Variants in DNAI3 observed in about 807,000 individuals in gnomAD.
The protein encoded by DNAI3 is WD repeat domain 63.
DNAI3 carries 83 observed loss-of-function variants against 115.5 expected under a neutral mutation model. That is an observed-to-expected ratio of 0.72 (90% CI 0.60 to 0.86). The LOEUF (loss-of-function observed/expected upper bound fraction) is 0.86, where lower values mean the gene tolerates loss of function less well. Among genes scored for constraint, DNAI3 ranks in the 40% least tolerant of loss-of-function variants. The pLI is 0.00. For missense variants in DNAI3, 1,004 were observed against 1,075.8 expected (o/e 0.93, Z 0.93); for synonymous variants, 320 against 347.0 (o/e 0.92, Z 0.86).
In DNAI3 at chr1:85,124,240, G is replaced by A; in HGVS notation, c.2101G>A (p.Glu701Lys). The A allele has an allele frequency of 6.4e-7, 1 of 1,573,686 alleles. No individual in the cohort carries two copies. Among genetic ancestry groups the A allele is most frequent in the Non-Finnish European group, 8.6e-7 (1 of 1,162,630 alleles). ...VGGWNVAIWK[E>K]GVMTGPLLQS... ...AGGTTGGAACGTGGCCATATGGAAA[G>A]AAGGTGTTATGGTAAGTTGCCTGCA... The change falls in exon 19 of 23, where the codon GAA (glutamate) becomes AAA (lysine). Residue 701 changes from glutamate (E) to lysine (K), a missense_variant. Physicochemically the swap from Glu to Lys is moderately conservative, Grantham distance 56. This residue lies in a region of DNAI3 where 429 missense variants were observed against 454.3 expected (regional missense o/e 0.94). Coordinates refer to ENST00000294664, the MANE Select transcript of DNAI3 (RefSeq NM_145172.5).
At chr1:85,119,434 T>C (rs568392450) in intron 17 of DNAI3, among the ~76,000 whole-genome samples, 93 of 152,354 alleles carry the variant, frequency 6.1e-4, no homozygotes, top group African/African-American at 2.1e-3. Flanking sequence ...TTATACAATA[T>C]TTGTCCTTTT....
Position 85,129,994 on chromosome 1 carries a change from C to T in DNAI3, c.2414C>T (p.Ala805Val), listed in dbSNP as rs1571206176. The change falls in exon 22 of 23, where the codon GCA (alanine) becomes GTA (valine). Residue 805 changes from alanine (A) to valine (V), a missense_variant. Physicochemically the swap from Ala to Val is moderately conservative, Grantham distance 64. Around this residue, in one of 3 missense-constraint regions of DNAI3, gnomAD observed 429 missense variants for 454.3 expected, o/e 0.94. Transcript: ENST00000294664. ...TLSRPSTNEM[A>V]SVNHYFEREV... ...ATGGACTTCTGTTTCTAACAGATGG[C>T]AAGTGTCAACCACTATTTTGAAAGA... 1.2e-6 allele frequency: 2 copies of T among 1,611,396 alleles called. No individual in the cohort carries two copies. Among genetic ancestry groups the T allele is most frequent in the Non-Finnish European group, 1.7e-6 (2 of 1,179,068 alleles).
intron 1 of DNAI3, among the ~76,000 whole-genome samples, chr1:85,063,484 T>C (rs1223862231): frequency 1.3e-5 from 2 of 152,226 alleles, no homozygotes; most frequent in African/African-American, 2.4e-5. Context: ...GCCATACTTA[T>C]GTGAGTTCAG....
In DNAI3 at chr1:85,068,154, G is replaced by C. The variant is rs1571150311; in HGVS notation, c.-14-3774G>C. Among the ~76,000 whole-genome samples the C allele has an allele frequency of 2.0e-5, 3 of 150,928 alleles. No individual in the cohort carries two copies. In the South Asian group the frequency reaches 6.3e-4, roughly 32 times the overall value. ...TTTTTTTTTTTTTAGTATGTTCACT[G>C]TGCTAGTTACAGGGATTACAAAAAT... On this transcript the variant is annotated intron_variant, in intron 1 of 22. Transcript: ENST00000294664.
chr1:85,090,747 C>A (rs544666050), intron 8 of DNAI3, among the ~76,000 whole-genome samples: 1 of 152,234 alleles, frequency 6.6e-6, no homozygotes, highest in South Asian at 2.1e-4. Flanking sequence ...CTTCAAAATG[C>A]CCCCTAAGCT....
At chr1:85,065,702 A>G (rs1306363807) in intron 1 of DNAI3, among the ~76,000 whole-genome samples, 3 of 152,204 alleles carry the variant, frequency 2.0e-5, no homozygotes, top group African/African-American at 7.2e-5. Flanking sequence ...TGTTTGTCTG[A>G]GTTTTTAACA....
intron 1 of DNAI3, among the ~76,000 whole-genome samples, chr1:85,068,646 A>G (rs986541703): frequency 5.3e-5 from 8 of 152,172 alleles, no homozygotes; most frequent in Admixed American, 4.6e-4. Context: ...TCTCCACCTC[A>G]TTCAGAGTGA....
chr1:85,103,134 A>G (rs1334888885), intron 13 of DNAI3, among the ~76,000 whole-genome samples: 1 of 152,032 alleles, frequency 6.6e-6, no homozygotes, highest in Non-Finnish European at 1.5e-5. Flanking sequence ...ACCTAACTTC[A>G]TTTGCTGCTA....
intron 7 of DNAI3, among the ~76,000 whole-genome samples, chr1:85,087,054 C>T (rs1470830515): frequency 6.6e-6 from 1 of 152,070 alleles, no homozygotes; most frequent in Non-Finnish European, 1.5e-5. Flanking sequence ...GCTTACGAGT[C>T]CTTTACATAG....
intron 17 of DNAI3, among the ~76,000 whole-genome samples, chr1:85,118,684 G>C (rs1229305956): frequency 6.6e-6 from 1 of 152,100 alleles, no homozygotes; most frequent in Non-Finnish European, 1.5e-5. Flanking sequence ...TGGGTGCTGG[G>C]ATCAGAAGTG....
intron 3 of DNAI3, among the ~76,000 whole-genome samples, chr1:85,080,604 G>A (rs1302546400): frequency 6.6e-6 from 1 of 152,226 alleles, no homozygotes; most frequent in African/African-American, 2.4e-5. Context: ...AGAGAGAGCA[G>A]CAGGGGAGAG....
intron 1 of DNAI3, among the ~76,000 whole-genome samples, chr1:85,066,314 C>CATTTTTTTTTTT (rs1553164760): frequency 1.4e-5 from 1 of 70,014 alleles, no homozygotes; most frequent in African/African-American, 6.1e-5. Context: ...TTCTGCTACT[C>CATTTTTTTTTTT]TTTTTTTTTT....
rs746438622 is a variant in DNAI3 at position 85,130,086 on chromosome 1, G to A, written c.2506G>A (p.Glu836Lys). 1.2e-6 allele frequency: 2 copies of A among 1,613,648 alleles called. No individual in the cohort carries two copies. The highest frequency in any genetic ancestry group is 8.5e-7 in the Non-Finnish European group (1 of 1,179,762). Residue 836 changes from glutamate to lysine, a missense_variant, in exon 22 of 23, where the codon GAA (glutamate) becomes AAA (lysine). Glu to Lys is a moderately conservative substitution (Grantham distance 56, BLOSUM62 1). This residue lies in a region of DNAI3 where 429 missense variants were observed against 454.3 expected (regional missense o/e 0.94). Transcript: ENST00000294664. ...KIREQEKKEM[E>K]LEMAKKKVKT... ...TCGTGAGCAAGAAAAGAAAGAAATG[G>A]AACTAGAAATGGCAAAGAAAAAAGT...
chr1:85,063,241 C>T (rs761106652), intron 1 of DNAI3, among the ~76,000 whole-genome samples: 1 of 150,398 alleles, frequency 6.6e-6, no homozygotes, highest in Non-Finnish European at 1.5e-5. Context: ...GGGAGGCTTT[C>T]GGCTTTGGGG....
At chr1:85,078,771 C>CCAGTTATCTG (rs1462570513) in intron 3 of DNAI3, among the ~76,000 whole-genome samples, 2 of 152,184 alleles carry the variant, frequency 1.3e-5, no homozygotes, top group African/African-American at 4.8e-5. Context: ...CTGTTGGCTG[C>CCAGTTATCTG]CAGTTATCTG....
At chr1:85,079,377 C>T (rs1654557149) in intron 3 of DNAI3, among the ~76,000 whole-genome samples, 1 of 152,140 alleles carries the variant, frequency 6.6e-6, no homozygotes, top group Non-Finnish European at 1.5e-5. Context: ...GTTATGCATA[C>T]AGTTATTTAA....
intron 1 of DNAI3, 42 bp from the exon 2 acceptor site, chr1:85,071,886 C>A: frequency 6.5e-7 from 1 of 1,549,200 alleles, no homozygotes; most frequent in Non-Finnish European, 8.8e-7. Flanking sequence ...AAGTTGTTTG[C>A]AAATTGTAAC....
At chr1:85,089,016 C>T (rs1272533641) in intron 7 of DNAI3, among the ~76,000 whole-genome samples, 1 of 152,094 alleles carries the variant, frequency 6.6e-6, no homozygotes, top group Non-Finnish European at 1.5e-5. Flanking sequence ...CCCTTTACCC[C>T]TTTGTCTGAT....
intron 17 of DNAI3, 151 bp downstream of exon 17, chr1:85,118,010 C>G: frequency 1.1e-6 from 1 of 926,766 alleles, no homozygotes; most frequent in Non-Finnish European, 1.6e-6. Context: ...ACATTTTTAA[C>G]TCTGATACCT....
Sources: gnomAD v4.1 joint callset for allele counts (sites outside exome capture counted in the v4.1 genomes callset) on GRCh38, gnomAD v4.1.1 for gene constraint, gnomAD v4.1.1 regional missense constraint, MANE v1.5 for transcripts, NCBI Gene and HGNC (gene_info 2026-07-23, HGNC 2026-07-21) for gene names.